TENM2: variants seen among roughly 807,000 people sequenced by gnomAD.
The protein encoded by TENM2 is teneurin transmembrane protein 2, also known as teneurin-2.
Under a neutral mutation model 245.2 loss-of-function variants are expected in TENM2, and 52 were observed. The ratio of observed to expected loss-of-function variants is 0.21; its 90% CI spans 0.17 to 0.27. The LOEUF (loss-of-function observed/expected upper bound fraction) is 0.27. TENM2 is among the 10% of genes least tolerant of loss of function. The pLI is 1.00. For missense variants in TENM2, 3,046 were observed against 3,666.8 expected (o/e 0.83, Z 4.37); for synonymous variants, 1,363 against 1,438.9 (o/e 0.95, Z 1.19).
At chr5:167,118,470 T>C in the TENM2 span, among the ~76,000 whole-genome samples, 1 of 152,240 alleles carries the variant, frequency 6.6e-6, no homozygotes, top group South Asian at 2.1e-4. Flanking sequence ...TCAAGTGTAA[T>C]TTCAGATAAT....
At chr5:168,181,697 GAC>G (rs1759909867) in intron 13 of TENM2, among the ~76,000 whole-genome samples, 1 of 101,788 alleles carries the variant, frequency 9.8e-6, no homozygotes, top group African/African-American at 3.9e-5. Context: ...TTTTTTTTGA[GAC>G]AGAGTCTCGC....
rs557076267 is a variant in TENM2, at chr5:167,935,008, T to A, written c.713-17580T>A. ...AGAAAACAGTAGGTGTCATTTTAGT[T>A]GTGCCCTCATGAGTGCGAGCGGGAA... On this transcript the variant is annotated intron_variant, in intron 3 of 28. Transcript: ENST00000518659. 6.2e-5 allele frequency: 46 copies of A among 736,676 alleles called. No individual in the cohort carries two copies. The South Asian group carries it at 7.3e-4, about 12-fold the overall frequency. The allele number at this position is 736,676 out of a possible 1,614,324, so 45.6% of individuals were successfully genotyped here. A position where few individuals can be genotyped will look rare whatever the true frequency, so the allele number is the denominator to read the frequency against.
At chr5:167,831,054 T>TTC (rs1768429715) in intron 2 of TENM2, among the ~76,000 whole-genome samples, 1 of 152,130 alleles carries the variant, frequency 6.6e-6, no homozygotes, top group African/African-American at 2.4e-5. Flanking sequence ...TGTACTTCTG[T>TTC]TCTCTCTATG....
At position 167,359,897 on chromosome 5, in the gene TENM2, T is replaced by C. The variant is rs553242816; in HGVS notation, c.227-15301T>C. On this transcript the variant is annotated intron_variant, in intron 1 of 28. Coordinates refer to ENST00000518659, the Ensembl canonical transcript of TENM2. Reference sequence around the variant, plus strand: ...TCATGGATAGAGCTAGAGACCATCATCCTTAGCAAACTAAGACAGGAACAA... The same window carrying C: ...TCATGGATAGAGCTAGAGACCATCACCCTTAGCAAACTAAGACAGGAACAA... Among the ~76,000 whole-genome samples the C allele has an allele frequency of 1.3e-3, 204 of 152,284 alleles. 1 individual carries two copies. The highest frequency in any genetic ancestry group is 4.5e-3 in the African/African-American group (189 of 41,556).
chr5:167,214,945 T>G, the TENM2 span, among the ~76,000 whole-genome samples: 1 of 152,170 alleles, frequency 6.6e-6, no homozygotes, highest in Admixed American at 6.5e-5. Flanking sequence ...CTGGCCTGGA[T>G]TTTGATTACC....
chr5:168,258,411 G>T (rs2152716570), intron 27 of TENM2, among the ~76,000 whole-genome samples: 1 of 152,160 alleles, frequency 6.6e-6, no homozygotes, highest in African/African-American at 2.4e-5. Flanking sequence ...TGAGGCAAGG[G>T]AATCACTTGA....
chr5:167,689,057 A>G (rs544374018), intron 2 of TENM2, among the ~76,000 whole-genome samples: 2 of 152,270 alleles, frequency 1.3e-5, no homozygotes, highest in African/African-American at 4.8e-5. Flanking sequence ...TTCCGGAAAA[A>G]CGTTGTTATT....
intron 2 of TENM2, among the ~76,000 whole-genome samples, chr5:167,479,492 G>T (rs921171438): frequency 2.6e-5 from 4 of 151,954 alleles, no homozygotes; most frequent in Non-Finnish European, 5.9e-5. Flanking sequence ...TTACTTTTTA[G>T]AAACACTGTC....
At chr5:167,669,658 C>T (rs554174464) in intron 2 of TENM2, among the ~76,000 whole-genome samples, 1 of 152,138 alleles carries the variant, frequency 6.6e-6, no homozygotes, top group South Asian at 2.1e-4. Flanking sequence ...ACTTTTTCAC[C>T]TCCAACTCCA....
intron 13 of TENM2, among the ~76,000 whole-genome samples, chr5:168,179,796 A>G (rs2152488104): frequency 6.6e-6 from 1 of 152,346 alleles, no homozygotes; most frequent in Middle Eastern, 3.4e-3. Flanking sequence ...TGATGTTAAT[A>G]GCACCCAGGA....
chr5:167,656,410 T>C (rs1754845172), intron 2 of TENM2, among the ~76,000 whole-genome samples: 1 of 152,054 alleles, frequency 6.6e-6, no homozygotes, highest in Non-Finnish European at 1.5e-5. Context: ...AATCGTGGCA[T>C]GTTTGAGGAC....
chr5:167,158,846 C>CCCTTCCTTCCTTCTTT, the TENM2 span, among the ~76,000 whole-genome samples: 2 of 86,028 alleles, frequency 2.3e-5, no homozygotes, highest in African/African-American at 9.8e-5. Context: ...TCCATAGCAG[C>CCCTTCCTTCCTTCTTT]CCTTCCTTCC....
the TENM2 span, among the ~76,000 whole-genome samples, chr5:167,041,377 A>G: frequency 6.6e-6 from 1 of 152,182 alleles, no homozygotes; most frequent in Admixed American, 6.5e-5. Flanking sequence ...CAATGCTTAG[A>G]GAAGCAGAGT....
intron 14 of TENM2, among the ~76,000 whole-genome samples, chr5:168,194,571 T>C (rs546516255): frequency 2.6e-5 from 4 of 152,310 alleles, no homozygotes; most frequent in Non-Finnish European, 5.9e-5. Flanking sequence ...TATATAGATA[T>C]ATACACATTT....
intron 1 of TENM2, among the ~76,000 whole-genome samples, chr5:167,370,531 A>G (rs2127296584): frequency 6.6e-6 from 1 of 152,312 alleles, no homozygotes; most frequent in Middle Eastern, 3.4e-3. Context: ...ACCTTAAATT[A>G]CACTAAAATT....
intron 2 of TENM2, among the ~76,000 whole-genome samples, chr5:167,748,030 C>T (rs569615019): frequency 2.0e-5 from 3 of 152,200 alleles, no homozygotes; most frequent in South Asian, 2.1e-4. Flanking sequence ...CTAGTTTTAC[C>T]TTTCATAATC....
intron 2 of TENM2, among the ~76,000 whole-genome samples, chr5:167,413,330 C>A (rs1763005039): frequency 6.6e-6 from 1 of 151,976 alleles, no homozygotes; most frequent in South Asian, 2.1e-4. Context: ...TATTCAATTT[C>A]TTCTCTCTAT....
chr5:168,232,823 AGAT>A (rs1344976173), intron 25 of TENM2, among the ~76,000 whole-genome samples: 4 of 152,254 alleles, frequency 2.6e-5, no homozygotes, highest in Admixed American at 2.0e-4. Context: ...GGGAAATGTA[AGAT>A]GATGGCGGAT....
chr5:167,554,491 A>C (rs1773140218), intron 2 of TENM2, among the ~76,000 whole-genome samples: 1 of 152,174 alleles, frequency 6.6e-6, no homozygotes, highest in Non-Finnish European at 1.5e-5. Context: ...TCCTGCTTTG[A>C]GGGTAGATGG....
Sources: allele counts gnomAD v4.1 joint callset (sites outside exome capture counted in the v4.1 genomes callset), GRCh38; gene constraint gnomAD v4.1.1; transcripts MANE v1.5; gene names NCBI Gene and HGNC (gene_info 2026-07-23, HGNC 2026-07-21).